The following HIBADH variants were observed in gnomAD, a reference collection of about 807,000 sequenced individuals.
The protein encoded by HIBADH is 3-hydroxyisobutyrate dehydrogenase, mitochondrial.
HIBADH carries 25 observed loss-of-function variants against 36.1 expected under a neutral mutation model. That is an observed-to-expected ratio of 0.69 (90% confidence interval 0.50 to 0.97). The LOEUF (loss-of-function observed/expected upper bound fraction) is 0.97, where lower values mean the gene tolerates loss of function less well. Ranked by LOEUF, HIBADH falls within the 50% of genes least tolerant of loss-of-function variation. HIBADH has a pLI of 0.00. For synonymous variants in HIBADH, 160 were observed against 149.5 expected (o/e 1.07, Z -0.51); for missense variants, 421 against 418.0 (o/e 1.01, Z -0.06).
At chr7:27,545,919 T>C (rs894590437) in intron 4 of HIBADH, among the ~76,000 whole-genome samples, 10 of 152,138 alleles carry the variant, frequency 6.6e-5, no homozygotes, top group African/African-American at 2.2e-4. Flanking sequence ...GGCTGATAAA[T>C]AGCATGGTAG....
intron 6 of HIBADH, among the ~76,000 whole-genome samples, chr7:27,535,649 T>C (rs555332278): frequency 1.3e-5 from 2 of 152,144 alleles, no homozygotes; most frequent in Admixed American, 1.3e-4. Flanking sequence ...TTCAGGACCA[T>C]AAAACTATGC....
chr7:27,594,253 C>T lies in HIBADH; in HGVS notation c.484+35118G>A, dbSNP rs913157168. Among the ~76,000 whole-genome samples the T allele has an allele frequency of 2.6e-5, 4 of 151,260 alleles. No individual in the cohort carries two copies. In the Middle Eastern group the frequency reaches 0.01, roughly 389 times the overall value. On this transcript the variant is annotated intron_variant, in intron 4 of 7. Transcript: ENST00000265395. Reference sequence around the variant, plus strand: ...CCTCCTCCTGGGTTCAACTGATTCTCCTGCCTCAGCCTCCCGAATAGCTGG... The same window carrying T: ...CCTCCTCCTGGGTTCAACTGATTCTTCTGCCTCAGCCTCCCGAATAGCTGG...
intron 6 of HIBADH, among the ~76,000 whole-genome samples, chr7:27,531,654 G>A (rs1020800528): frequency 5.9e-5 from 9 of 151,880 alleles, no homozygotes; most frequent in Non-Finnish European, 8.8e-5. Context: ...CACACTCATG[G>A]GTTTTCTAGT....
intron 4 of HIBADH, among the ~76,000 whole-genome samples, chr7:27,607,958 G>T (rs1785259508): frequency 6.6e-6 from 1 of 152,100 alleles, no homozygotes; most frequent in Admixed American, 6.5e-5. Flanking sequence ...GGTCACTTAA[G>T]AACAAGTACT....
chr7:27,528,110 A>G (rs1783938939), intron 7 of HIBADH, among the ~76,000 whole-genome samples: 1 of 151,700 alleles, frequency 6.6e-6, no homozygotes, highest in African/African-American at 2.4e-5. Context: ...GGGGTGTCAG[A>G]AAGCGCACAT....
At chr7:27,607,755 A>C (rs906152010) in intron 4 of HIBADH, among the ~76,000 whole-genome samples, 6 of 152,126 alleles carry the variant, frequency 3.9e-5, no homozygotes, top group African/African-American at 7.2e-5. Context: ...AAAAAAAAAA[A>C]ATGTTATAGC....
intron 4 of HIBADH, among the ~76,000 whole-genome samples, chr7:27,628,944 T>C (rs1785696863): frequency 6.6e-6 from 1 of 152,118 alleles, no homozygotes; most frequent in South Asian, 2.1e-4. Flanking sequence ...GATCTGCTCC[T>C]TGAAATTTTG....
intron 4 of HIBADH, among the ~76,000 whole-genome samples, chr7:27,550,489 A>C (rs1185593305): frequency 6.6e-6 from 1 of 152,064 alleles, no homozygotes; most frequent in Admixed American, 6.6e-5. Flanking sequence ...GCACACTGAA[A>C]ACTATTTGCA....
At chr7:27,635,776 ATT>A (rs781481215) in intron 2 of HIBADH, among the ~76,000 whole-genome samples, 31,482 of 152,110 alleles carry the variant, frequency 0.21, 4,114 homozygotes, top group East Asian at 0.44. Context: ...CTCTGCTCTG[ATT>A]GTCAAGGCTG....
At chr7:27,556,457 T>C (rs1784390187) in intron 4 of HIBADH, among the ~76,000 whole-genome samples, 2 of 151,500 alleles carry the variant, frequency 1.3e-5, no homozygotes, top group Admixed American at 6.6e-5. Context: ...AATTTTTTAA[T>C]GGTTTTTTAT....
Position 27,531,293 on chromosome 7 carries a change from AC to A in HIBADH, c.750del (p.Cys251ValfsTer13). ...GGATTATAAGTGTCACTTGACCAAC[AC>A]CGTCCTGAGCTCATATTTAGGATTT... The part of the protein sequence containing the change: ...LAKILNMSSG[R>X]CWSSDTYNPV... On this transcript the variant is annotated frameshift_variant, in exon 7 of 8. Transcript: ENST00000265395. LOFTEE classifies it high-confidence loss of function. 6.2e-7 allele frequency: 1 copy of A among 1,613,958 alleles called. No individual in the cohort carries two copies. Among genetic ancestry groups the A allele is most frequent in the Non-Finnish European group, 8.5e-7 (1 of 1,179,916 alleles).
In HIBADH at chr7:27,621,398, T is replaced by A. The variant is rs559764304; in HGVS notation, c.484+7973A>T. ...TAACAGACATTTACAGCACATTTTA[T>A]CCAACAGTTGCAGAATATACATTTT... is the stretch of plus-strand genomic sequence containing the variant. On this transcript the variant is annotated intron_variant, in intron 4 of 7. Transcript: ENST00000265395. Among the ~76,000 whole-genome samples, 8 of 152,328 alleles carry A rather than the reference T, an allele frequency of 5.3e-5. No homozygotes were observed. In the South Asian group the frequency reaches 1.7e-3, roughly 32 times the overall value.
chr7:27,609,689 T>C (rs1008694165), intron 4 of HIBADH, among the ~76,000 whole-genome samples: 17 of 152,172 alleles, frequency 1.1e-4, no homozygotes, highest in Admixed American at 7.2e-4. Flanking sequence ...AAGGAAAGTC[T>C]TATTTTATTT....
At chr7:27,543,133 A>C in intron 4 of HIBADH, 33 bp from the exon 5 acceptor site, 1 of 1,608,940 alleles carries the variant, frequency 6.2e-7, no homozygotes, top group Non-Finnish European at 8.5e-7. Flanking sequence ...GATAGAAGCA[A>C]AAGAATATAT....
rs762685685 is a variant in HIBADH at position 27,645,368 on chromosome 7, AT to A, written c.252+4104del. 8.4e-3 allele frequency among the ~76,000 whole-genome samples: 499 copies of A among 59,566 alleles called. 3 individuals are homozygous for A. The highest frequency in any genetic ancestry group is 0.028 in the African/African-American group (436 of 15,798). The allele number at this position is 59,566 out of a possible 152,430, so 39.1% of individuals were successfully genotyped here. A position where few individuals can be genotyped will look rare whatever the true frequency, so the allele number is the denominator to read the frequency against. On this transcript the variant is annotated intron_variant, in intron 2 of 7. Transcript: ENST00000265395. ...CTAGTGGGTGTGTCTCATGGTTTTG[AT>A]TTTTTTTTTTTTTTTTTTTTTTTTT... is the stretch of plus-strand genomic sequence containing the variant.
chr7:27,611,114 C>T (rs1422566484), intron 4 of HIBADH, among the ~76,000 whole-genome samples: 1 of 152,154 alleles, frequency 6.6e-6, no homozygotes, highest in South Asian at 2.1e-4. Flanking sequence ...TGGTATGGAA[C>T]TGTTATACAA....
Position 27,525,568 on chromosome 7 carries a change from AAAATACGTAGT to A in HIBADH, c.*635_*645del, listed in dbSNP as rs1469606009. 55 of 152,326 alleles carry A rather than the reference AAAATACGTAGT, an allele frequency of 3.6e-4. 2 individuals carry two copies. The highest frequency in any genetic ancestry group is 1.3e-3 in the African/African-American group (54 of 41,578). 9.4% of individuals were successfully genotyped at this position (152,326 alleles called of 1,614,324 possible). On this transcript the variant is annotated 3_prime_UTR_variant, in exon 8 of 8. Coordinates refer to ENST00000265395, the MANE Select transcript of HIBADH (RefSeq NM_152740.4). ...TCTAAAGATGTCATTCTTAAGTCAA[AAAATACGTAGT>A]AAGAATGAACAAGAAAGAAAAAAAT...
chr7:27,586,318 T>C (rs1476533547), intron 4 of HIBADH, among the ~76,000 whole-genome samples: 1 of 137,898 alleles, frequency 7.3e-6, no homozygotes, highest in Non-Finnish European at 1.5e-5. Context: ...GCAACTGCAG[T>C]GTAGAGCAAT....
chr7:27,554,420 G>GT (rs1383775121), intron 4 of HIBADH, among the ~76,000 whole-genome samples: 5 of 152,182 alleles, frequency 3.3e-5, no homozygotes, highest in African/African-American at 1.2e-4. Context: ...CTATTTTCCT[G>GT]TAAGTTTCAC....
Sources: gnomAD v4.1 joint callset for allele counts (sites outside exome capture counted in the v4.1 genomes callset) on GRCh38, gnomAD v4.1.1 for gene constraint, MANE v1.5 for transcripts, NCBI Gene and HGNC (gene_info 2026-07-23, HGNC 2026-07-21) for gene names.